The following LRP1B variants were observed in gnomAD, a reference collection of about 807,000 sequenced individuals.
LRP1B encodes the protein LDL receptor related protein 1B.
Under a neutral mutation model 556.6 loss-of-function variants are expected in LRP1B, and 217 were observed. The ratio of observed to expected loss-of-function variants is 0.39; its 90% CI spans 0.35 to 0.44. The LOEUF is 0.44. Ranked by LOEUF, LRP1B falls within the 20% of genes least tolerant of loss-of-function variation. The pLI is 1.00. For missense variants in LRP1B, 5,053 were observed against 5,620.8 expected (o/e 0.90, Z 3.23); for synonymous variants, 2,047 against 1,865.8 (o/e 1.10, Z -2.50).
chr2:140,602,364 G>A (rs1682706343), intron 41 of LRP1B, among the ~76,000 whole-genome samples: 1 of 152,016 alleles, frequency 6.6e-6, no homozygotes, highest in Non-Finnish European at 1.5e-5. Flanking sequence ...CCAATCTCTA[G>A]GGTAACATAA....
At chr2:140,669,519 A>C (rs561985968) in intron 41 of LRP1B, among the ~76,000 whole-genome samples, 29 of 152,264 alleles carry the variant, frequency 1.9e-4, no homozygotes, top group African/African-American at 6.7e-4. Flanking sequence ...GGAAGGTGCA[A>C]AGGAAACTAA....
chr2:141,005,632 G>A (rs1697551422), intron 14 of LRP1B, among the ~76,000 whole-genome samples, 175 bp from the exon 15 acceptor site: 1 of 152,012 alleles, frequency 6.6e-6, no homozygotes, highest in Non-Finnish European at 1.5e-5. Context: ...AAAATAGGTG[G>A]TGCATTGGTA....
At chr2:141,880,521 T>G (rs1366091207) in intron 1 of LRP1B, among the ~76,000 whole-genome samples, 1 of 151,840 alleles carries the variant, frequency 6.6e-6, no homozygotes, top group Non-Finnish European at 1.5e-5. Context: ...TGTAAAAACA[T>G]CTTCAATTTT....
chr2:140,948,922 C>T (rs1012969802), intron 20 of LRP1B, among the ~76,000 whole-genome samples: 2 of 152,154 alleles, frequency 1.3e-5, no homozygotes, highest in Admixed American at 1.3e-4. Flanking sequence ...AATTTAATAA[C>T]CACTGTTTTA....
chr2:141,819,084 C>G (rs1696666217), intron 1 of LRP1B, among the ~76,000 whole-genome samples: 2 of 125,654 alleles, frequency 1.6e-5, no homozygotes. Context: ...ACTAAAAATT[C>G]AAAAATTAAC....
intron 1 of LRP1B, among the ~76,000 whole-genome samples, chr2:142,092,979 T>A (rs1228556593): frequency 2.0e-5 from 3 of 151,798 alleles, no homozygotes; most frequent in Admixed American, 1.3e-4. Context: ...CATAGAAGAG[T>A]AAAGCCCAGG....
intron 7 of LRP1B, among the ~76,000 whole-genome samples, chr2:141,126,118 G>C (rs993185314): frequency 1.3e-5 from 2 of 151,186 alleles, no homozygotes; most frequent in African/African-American, 2.4e-5. Context: ...TGCAACCTCT[G>C]CCTCCCAGAT....
At chr2:142,049,142 T>TC (rs1161137131) in intron 1 of LRP1B, among the ~76,000 whole-genome samples, 3 of 152,052 alleles carry the variant, frequency 2.0e-5, no homozygotes, top group African/African-American at 7.2e-5. Flanking sequence ...CCCCTTTTTT[T>TC]CTAACAAAAA....
intron 66 of LRP1B, among the ~76,000 whole-genome samples, chr2:140,392,431 A>C (rs1030211569): frequency 6.6e-6 from 1 of 152,122 alleles, no homozygotes; most frequent in Non-Finnish European, 1.5e-5. Context: ...TTATGTAAAA[A>C]TGCAGATTCA....
intron 46 of LRP1B, 134 bp from the exon 47 acceptor site, chr2:140,534,274 G>T: frequency 3.9e-6 from 3 of 777,048 alleles, no homozygotes; most frequent in Non-Finnish European, 4.0e-6. Context: ...CCATATAATA[G>T]CTCTGGATTA....
At chr2:141,707,173 A>G (rs910658682) in intron 2 of LRP1B, among the ~76,000 whole-genome samples, 8 of 152,096 alleles carry the variant, frequency 5.3e-5, no homozygotes, top group African/African-American at 1.7e-4. Flanking sequence ...ACCTTCTGGA[A>G]TGTGTGACGG....
intron 43 of LRP1B, among the ~76,000 whole-genome samples, chr2:140,546,234 G>T (rs979029710): frequency 2.0e-5 from 3 of 152,026 alleles, no homozygotes; most frequent in African/African-American, 7.2e-5. Context: ...TGCAAACAAG[G>T]ATATTTTGAT....
At chr2:141,544,298 C>CTTCTTCTTCTTCTTCTTCTTCTTCTTCTT (rs1559130754) in intron 2 of LRP1B, among the ~76,000 whole-genome samples, 50 of 4,604 alleles carry the variant, frequency 0.011, no homozygotes, top group East Asian at 0.025. Context: ...ATTTACCACT[C>CTTCTTCTTCTTCTTCTTCTTCTTCTTCTT]TTCTTCTTCT....
intron 3 of LRP1B, among the ~76,000 whole-genome samples, chr2:141,436,072 C>T (rs551479541): frequency 6.6e-6 from 1 of 152,154 alleles, no homozygotes; most frequent in Non-Finnish European, 1.5e-5. Context: ...CAGACTCTTT[C>T]TGTTCTTTCA....
intron 66 of LRP1B, among the ~76,000 whole-genome samples, chr2:140,439,340 T>C (rs1686326619): frequency 6.6e-6 from 1 of 152,190 alleles, no homozygotes; most frequent in Admixed American, 6.6e-5. Flanking sequence ...TATAACTGTA[T>C]TTATGTACAT....
chr2:141,947,203 G>A (rs1700976581), intron 1 of LRP1B, among the ~76,000 whole-genome samples: 3 of 152,076 alleles, frequency 2.0e-5, no homozygotes, highest in South Asian at 2.1e-4. Flanking sequence ...AGGCTGAGGC[G>A]GGCAAATGGC....
intron 7 of LRP1B, among the ~76,000 whole-genome samples, chr2:141,184,668 T>A (rs1394766530): frequency 7.9e-5 from 12 of 151,708 alleles, no homozygotes; most frequent in Non-Finnish European, 1.3e-4. Context: ...CTATGTCACG[T>A]CAAACTTGTA....
At chr2:142,089,397 A>T (rs1422860693) in intron 1 of LRP1B, among the ~76,000 whole-genome samples, 1 of 152,218 alleles carries the variant, frequency 6.6e-6, no homozygotes, top group Non-Finnish European at 1.5e-5. Flanking sequence ...AACTGAAGAG[A>T]AGCAAAAGAT....
At chr2:141,148,647 C>T (rs573479289) in intron 7 of LRP1B, among the ~76,000 whole-genome samples, 3 of 152,186 alleles carry the variant, frequency 2.0e-5, no homozygotes, top group South Asian at 2.1e-4. Flanking sequence ...GTATCTATAA[C>T]GCCAACAAGA....
Sources: gnomAD v4.1 joint callset for allele counts (sites outside exome capture counted in the v4.1 genomes callset) on GRCh38, gnomAD v4.1.1 for gene constraint, MANE v1.5 for transcripts, NCBI Gene and HGNC (gene_info 2026-07-23, HGNC 2026-07-21) for gene names.